Variants in ZNF804B observed in about 807,000 individuals in gnomAD.
ZNF804B encodes the protein zinc finger 804B.
Under a neutral mutation model 101.4 loss-of-function variants are expected in ZNF804B, and 80 were observed. The ratio of observed to expected loss-of-function variants is 0.79; its 90% CI spans 0.66 to 0.95. The LOEUF (loss-of-function observed/expected upper bound fraction) is 0.95. ZNF804B is among the 40% of genes least tolerant of loss of function. The pLI is 0.00. For synonymous variants in ZNF804B, 622 were observed against 558.8 expected, an observed-to-expected ratio of 1.11 and a Z score of -1.59; for missense variants, 1,673 against 1,561.9, an observed-to-expected ratio of 1.07 and a Z score of -1.20.
chr7:89,161,639 T>C (rs967114607), intron 1 of ZNF804B, among the ~76,000 whole-genome samples: 1 of 152,014 alleles, frequency 6.6e-6, no homozygotes, highest in Non-Finnish European at 1.5e-5. Context: ...TCCTCCCACC[T>C]TAGCCTCCCA....
At chr7:89,213,301 G>A (rs1352174433) in intron 1 of ZNF804B, among the ~76,000 whole-genome samples, 1 of 152,026 alleles carries the variant, frequency 6.6e-6, no homozygotes, top group Admixed American at 6.6e-5. Context: ...TTTCATTTGG[G>A]GCTAATATAA....
chr7:89,294,295 T>A (rs1790346085), intron 2 of ZNF804B, among the ~76,000 whole-genome samples: 1 of 152,206 alleles, frequency 6.6e-6, no homozygotes, highest in Admixed American at 6.5e-5. Flanking sequence ...TGTAAATAGT[T>A]ATATTTTACC....
chr7:88,797,674 T>C (rs1420624202), intron 1 of ZNF804B, among the ~76,000 whole-genome samples: 2 of 152,150 alleles, frequency 1.3e-5, no homozygotes, highest in South Asian at 2.1e-4. Flanking sequence ...TAGTCTTTTA[T>C]ACACAGGTGA....
At position 88,887,804 on chromosome 7, in the gene ZNF804B, T is replaced by C. The variant is rs1562823202; in HGVS notation, c.108+127720T>C. Among the ~76,000 whole-genome samples the C allele has an allele frequency of 2.6e-5, 4 of 152,104 alleles. No individual in the cohort carries two copies. The South Asian group carries it at 8.3e-4, about 31-fold the overall frequency. ...TACCCCATGCATATCTTTGTACACT[T>C]TCTGCTCATTACTACGATCCTACCC... On this transcript the variant is annotated intron_variant, in intron 1 of 3. Transcript: ENST00000333190.
At chr7:88,812,562 C>T (rs902735606) in intron 1 of ZNF804B, among the ~76,000 whole-genome samples, 1 of 152,136 alleles carries the variant, frequency 6.6e-6, no homozygotes, top group Non-Finnish European at 1.5e-5. Context: ...TATTTGCCCA[C>T]CCATGTTTAT....
intron 1 of ZNF804B, among the ~76,000 whole-genome samples, chr7:88,919,010 T>A (rs1003783967): frequency 1.3e-5 from 2 of 151,328 alleles, no homozygotes; most frequent in Admixed American, 6.6e-5. Context: ...GTTACTTAAT[T>A]TTTTTTTATG....
At chr7:89,165,512 G>A (rs1245857676) in intron 1 of ZNF804B, among the ~76,000 whole-genome samples, 1 of 152,080 alleles carries the variant, frequency 6.6e-6, no homozygotes, top group Non-Finnish European at 1.5e-5. Context: ...GTCAAAAAAT[G>A]TATATATGAA....
intron 1 of ZNF804B, among the ~76,000 whole-genome samples, chr7:89,180,488 A>G (rs1376905897): frequency 1.3e-5 from 2 of 151,984 alleles, no homozygotes; most frequent in East Asian, 1.9e-4. Flanking sequence ...CATATTCAAG[A>G]CCCAAGAAAG....
chr7:88,844,285 G>A (rs2115812275), intron 1 of ZNF804B, among the ~76,000 whole-genome samples: 1 of 152,150 alleles, frequency 6.6e-6, no homozygotes, highest in Non-Finnish European at 1.5e-5. Context: ...AATTAACCAT[G>A]AATGTCTTTT....
chr7:89,335,553 C>A lies in ZNF804B; in HGVS notation c.2571C>A (p.Tyr857Ter). Reference sequence around the variant, plus strand: ...CTCAGCACGACAGATTGGACTCTTACTCAATAGAGAAAATGTATTACTTGA... The same window carrying A: ...CTCAGCACGACAGATTGGACTCTTAATCAATAGAGAAAATGTATTACTTGA... Reference protein sequence around the residue: ...QGTQHDRLDSYSIEKMYYLNK... With the variant: ...QGTQHDRLDS Residue 857 changes from tyrosine (Y) to a stop codon, truncating the protein, a stop_gained, in exon 4 of 4, where the codon TAC (tyrosine) becomes TAA (stop). Transcript: ENST00000333190. LOFTEE classifies it high-confidence loss of function. 1 of 1,613,880 alleles carries A rather than the reference C, an allele frequency of 6.2e-7. No individual in the cohort carries two copies.
chr7:89,219,597 GGT>G (rs1788949258), intron 2 of ZNF804B, among the ~76,000 whole-genome samples: 1 of 151,502 alleles, frequency 6.6e-6, no homozygotes, highest in Admixed American at 6.6e-5. Context: ...TGCTGATTGA[GGT>G]ATGGCGATAC....
chr7:88,955,084 C>T (rs147427472), intron 1 of ZNF804B, among the ~76,000 whole-genome samples: 2 of 144,780 alleles, frequency 1.4e-5, no homozygotes, highest in Non-Finnish European at 3.0e-5. Context: ...ATATCGTGAG[C>T]CCTTGTCTCT....
intron 1 of ZNF804B, among the ~76,000 whole-genome samples, chr7:88,926,432 C>CAAAAAA (rs34926325): frequency 3.0e-5 from 4 of 135,026 alleles, no homozygotes; most frequent in African/African-American, 1.1e-4. Flanking sequence ...ATTAAAAATA[C>CAAAAAA]AAAAAAAAAA....
intron 2 of ZNF804B, among the ~76,000 whole-genome samples, chr7:89,247,091 C>A (rs1202779771): frequency 1.3e-5 from 2 of 152,176 alleles, no homozygotes; most frequent in African/African-American, 4.8e-5. Context: ...TTAGGCTTCC[C>A]TCCTACCTGT....
intron 1 of ZNF804B, among the ~76,000 whole-genome samples, chr7:89,001,582 T>C (rs1373611442): frequency 6.6e-6 from 1 of 151,914 alleles, no homozygotes; most frequent in Non-Finnish European, 1.5e-5. Context: ...ATACCAGATC[T>C]AAGCCCAAGG....
chr7:89,310,790 G>C (rs1348548447), intron 2 of ZNF804B, among the ~76,000 whole-genome samples: 1 of 152,208 alleles, frequency 6.6e-6, no homozygotes, highest in Non-Finnish European at 1.5e-5. Context: ...AGCTAGGTCA[G>C]AGTGCAGTAG....
At chr7:89,303,759 C>CT (rs1790519165) in intron 2 of ZNF804B, among the ~76,000 whole-genome samples, 1 of 151,828 alleles carries the variant, frequency 6.6e-6, no homozygotes, top group Non-Finnish European at 1.5e-5. Flanking sequence ...TCTGATTTTA[C>CT]TTTTTTCCTG....
chr7:88,810,555 G>C (rs111257142), intron 1 of ZNF804B, among the ~76,000 whole-genome samples: 14 of 151,512 alleles, frequency 9.2e-5, no homozygotes, highest in East Asian at 7.8e-4. Flanking sequence ...CCAGCTACTC[G>C]AGAGGCTGAG....
At chr7:89,220,153 A>G (rs370831327) in intron 2 of ZNF804B, among the ~76,000 whole-genome samples, 2,266 of 22,670 alleles carry the variant, frequency 0.1, 405 homozygotes, top group African/African-American at 0.18. Context: ...GTATATACAT[A>G]TATATATACG....
Sources: gnomAD v4.1 joint callset for allele counts (sites outside exome capture counted in the v4.1 genomes callset) on GRCh38, gnomAD v4.1.1 for gene constraint, MANE v1.5 for transcripts, NCBI Gene and HGNC (gene_info 2026-07-23, HGNC 2026-07-21) for gene names.